UXS1: variants seen among roughly 807,000 people sequenced by gnomAD.
UXS1 encodes the protein UDP-glucuronate decarboxylase 1.
In UXS1, 33 loss-of-function variants were observed where a neutral mutation model predicts 62.6. The observed-to-expected ratio is 0.53, with a 90% CI of 0.40 to 0.70. The LOEUF is 0.70. Ranked by LOEUF, UXS1 falls within the 30% of genes least tolerant of loss-of-function variation. UXS1 has a pLI of 0.00. For synonymous variants in UXS1, 213 were observed against 206.8 expected, an observed-to-expected ratio of 1.03 and a Z score of -0.26; for missense variants, 434 against 556.3, an observed-to-expected ratio of 0.78 and a Z score of 2.21.
At chr2:106,102,920 A>ACC (rs1255078947) in intron 11 of UXS1, 1 of 152,250 alleles carries the variant, frequency 6.6e-6, no homozygotes, top group Non-Finnish European at 1.5e-5. Flanking sequence ...AGAGAGGATC[A>ACC]CCAGAGTGGG....
At chr2:106,139,174 G>A (rs1053753900) in intron 6 of UXS1, among the ~76,000 whole-genome samples, 6 of 152,092 alleles carry the variant, frequency 3.9e-5, no homozygotes, top group African/African-American at 1.4e-4. Flanking sequence ...GAAGTCAAAG[G>A]GGGACAGAAA....
intron 5 of UXS1, among the ~76,000 whole-genome samples, chr2:106,157,605 G>A (rs1682541704): frequency 6.6e-6 from 1 of 152,132 alleles, no homozygotes. Context: ...TAGCCTCAAG[G>A]TGGAAACAAC....
intron 4 of UXS1, among the ~76,000 whole-genome samples, chr2:106,162,700 G>GAATCTGTTA (rs1227759042): frequency 6.6e-6 from 1 of 152,166 alleles, no homozygotes; most frequent in African/African-American, 2.4e-5. Context: ...TATTACTAAG[G>GAATCTGTTA]AATCTGTTAA....
At chr2:106,158,423 A>G (rs925993723) in intron 4 of UXS1, among the ~76,000 whole-genome samples, 7 of 152,246 alleles carry the variant, frequency 4.6e-5, no homozygotes, top group African/African-American at 1.7e-4. Flanking sequence ...TACCTCTATT[A>G]GTCCAGATAA....
chr2:106,162,643 G>C (rs1321890318), intron 4 of UXS1, among the ~76,000 whole-genome samples: 3 of 152,126 alleles, frequency 2.0e-5, no homozygotes, highest in African/African-American at 7.2e-5. Context: ...CATAACTAAA[G>C]CACAGAATCA....
chr2:106,104,977 A>G, intron 10 of UXS1, 140 bp from the exon 11 acceptor site: 4 of 934,502 alleles, frequency 4.3e-6, no homozygotes, highest in Non-Finnish European at 7.0e-6. Context: ...ATCTAGCACC[A>G]CATCCCGCAC....
chr2:106,107,079 C>T (rs1427861212), intron 10 of UXS1, among the ~76,000 whole-genome samples: 1 of 152,182 alleles, frequency 6.6e-6, no homozygotes, highest in Non-Finnish European at 1.5e-5. Context: ...GCAACTCCCG[C>T]GTCACAGGCT....
chr2:106,190,747 A>AAAT (rs1419552177), intron 1 of UXS1, among the ~76,000 whole-genome samples: 1 of 151,626 alleles, frequency 6.6e-6, no homozygotes, highest in Admixed American at 6.6e-5. Context: ...CTGTATCAAA[A>AAAT]AAAAAAAAAA....
chr2:106,155,440 T>G (rs1187187388), intron 5 of UXS1, among the ~76,000 whole-genome samples: 2 of 152,118 alleles, frequency 1.3e-5, no homozygotes, highest in Non-Finnish European at 2.9e-5. Flanking sequence ...AATAGGAAAT[T>G]AGTTAATTAC....
At chr2:106,166,322 T>A in intron 1 of UXS1, 1 of 441,380 alleles carries the variant, frequency 2.3e-6, no homozygotes, top group Non-Finnish European at 4.0e-6. Flanking sequence ...GAACATCAAT[T>A]CAAGTTGCCC....
chr2:106,129,653 A>G (rs1680266587), intron 7 of UXS1, 21 bp downstream of exon 7: 1 of 1,578,952 alleles, frequency 6.3e-7, no homozygotes, highest in South Asian at 1.1e-5. Flanking sequence ...CAGCCAAAAA[A>G]ACAAGAAAAT....
Position 106,129,100 on chromosome 2 carries a change from A to G in UXS1, c.577+574T>C, listed in dbSNP as rs1317144182. Among the ~76,000 whole-genome samples the G allele has an allele frequency of 1.3e-5, 2 of 152,220 alleles. 1 individual carries two copies. The highest frequency in any genetic ancestry group is 2.9e-5 in the Non-Finnish European group (2 of 68,040). ...TAAGGCATGTCATTTGTGAATATACACATATGACCACCATTAACAATGCTC... is the reference window on the plus strand; with the variant it reads ...TAAGGCATGTCATTTGTGAATATACGCATATGACCACCATTAACAATGCTC... On this transcript the variant is annotated intron_variant, in intron 7 of 14. Transcript: ENST00000283148.
At position 106,169,440 on chromosome 2, in the gene UXS1, T is replaced by C. The variant is rs759120397; in HGVS notation, c.95-3357A>G. The stretch of plus-strand genomic sequence containing the variant: ...AGGTTGGTGCGGTGGCTTGTGCCTG[T>C]AATCCTAATACTTTGGGAGGCCAAG... On this transcript the variant is annotated intron_variant, in intron 1 of 14. Coordinates refer to ENST00000283148, the MANE Select transcript of UXS1 (RefSeq NM_001253875.2). Among the ~76,000 whole-genome samples, 7 of 152,228 alleles carry C rather than the reference T, an allele frequency of 4.6e-5. No individual in the cohort carries two copies. The South Asian group carries it at 1.2e-3, about 27-fold the overall frequency.
In UXS1 at chr2:106,114,412, A is replaced by G. The variant is rs567465430; in HGVS notation, c.760-1647T>C. 1.2e-4 allele frequency among the ~76,000 whole-genome samples: 18 copies of G among 152,370 alleles called. 1 individual carries two copies. Among genetic ancestry groups the G allele is most frequent in the Admixed American group, 1.1e-3 (17 of 15,310 alleles). The stretch of plus-strand genomic sequence containing the variant: ...GAGTGTATTAAAAAGGGTGGGGAGC[A>G]GAGATGCTGCTCTCAACAGAAAATG... On this transcript the variant is annotated intron_variant, in intron 9 of 14. Transcript: ENST00000283148.
chr2:106,120,182 C>A (rs1355868438), intron 9 of UXS1, among the ~76,000 whole-genome samples: 1 of 152,218 alleles, frequency 6.6e-6, no homozygotes, highest in East Asian at 1.9e-4. Flanking sequence ...ATATTTACAA[C>A]ATGAATAACG....
At chr2:106,141,296 G>A (rs1220249156) in intron 6 of UXS1, among the ~76,000 whole-genome samples, 1 of 152,080 alleles carries the variant, frequency 6.6e-6, no homozygotes, top group Non-Finnish European at 1.5e-5. Context: ...TACATAATAG[G>A]TTATATAAAA....
intron 11 of UXS1, 124 bp downstream of exon 11, chr2:106,104,670 T>C: frequency 8.5e-7 from 1 of 1,179,176 alleles, no homozygotes; most frequent in South Asian, 1.6e-5. Context: ...AAATTTTTAA[T>C]CAATATATAG....
chr2:106,108,487 G>A (rs1006940032), intron 10 of UXS1, among the ~76,000 whole-genome samples: 4 of 152,174 alleles, frequency 2.6e-5, no homozygotes, highest in Non-Finnish European at 4.4e-5. Context: ...AAAATCCAGG[G>A]CATGAGTATC....
intron 7 of UXS1, among the ~76,000 whole-genome samples, chr2:106,127,612 C>T (rs893872244): frequency 6.6e-6 from 1 of 152,116 alleles, no homozygotes; most frequent in Admixed American, 6.5e-5. Flanking sequence ...AACTCTAGCA[C>T]AGGGTCTGGG....
Sources: gnomAD v4.1 joint callset for allele counts (sites outside exome capture counted in the v4.1 genomes callset) on GRCh38, gnomAD v4.1.1 for gene constraint, MANE v1.5 for transcripts, NCBI Gene and HGNC (gene_info 2026-07-23, HGNC 2026-07-21) for gene names.